NRDC: variants seen among roughly 807,000 people sequenced by gnomAD.
NRDC encodes the protein nardilysin.
NRDC carries 54 observed loss-of-function variants against 147.1 expected under a neutral mutation model. The ratio of observed to expected loss-of-function variants is 0.37; its 90% CI spans 0.29 to 0.46. NRDC has a LOEUF of 0.46. Among genes scored for constraint, NRDC ranks in the 20% least tolerant of loss-of-function variants. The probability of loss-of-function intolerance (pLI) is 1.00; values close to 1 mark genes in which losing one functional copy is unlikely to be tolerated. For missense variants in NRDC, 1,082 were observed against 1,370.6 expected (o/e 0.79, Z 3.33); for synonymous variants, 440 against 482.1 (o/e 0.91, Z 1.14).
At chr1:51,874,698 G>T (rs962747942) in intron 1 of NRDC, among the ~76,000 whole-genome samples, 6 of 152,048 alleles carry the variant, frequency 3.9e-5, no homozygotes, top group South Asian at 2.1e-4. Flanking sequence ...ATAAAAATTT[G>T]AATATCAATT....
At chr1:51,877,391 T>C (rs1183077534) in intron 1 of NRDC, among the ~76,000 whole-genome samples, 1 of 152,122 alleles carries the variant, frequency 6.6e-6, no homozygotes, top group Non-Finnish European at 1.5e-5. Flanking sequence ...CCTGGCACAG[T>C]GGCTCACGCC....
intron 1 of NRDC, among the ~76,000 whole-genome samples, chr1:51,842,207 T>G (rs1210235304): frequency 2.0e-5 from 3 of 151,556 alleles, no homozygotes; most frequent in Admixed American, 2.0e-4. Flanking sequence ...AATAATCACA[T>G]TTAAGTGATA....
At chr1:51,823,859 A>C in intron 6 of NRDC, 73 bp from the exon 7 acceptor site, 1 of 1,041,328 alleles carries the variant, frequency 9.6e-7, no homozygotes, top group Non-Finnish European at 1.4e-6. Context: ...TCATCAATGC[A>C]TATTTTGCTA....
chr1:51,835,131 G>A (rs1032829324), intron 3 of NRDC, among the ~76,000 whole-genome samples: 7 of 151,950 alleles, frequency 4.6e-5, no homozygotes, highest in Non-Finnish European at 8.8e-5. Context: ...GCGTGATCTC[G>A]GCTCACTGCA....
At chr1:51,799,363 A>G (rs1056265104) in intron 21 of NRDC, among the ~76,000 whole-genome samples, 2 of 150,996 alleles carry the variant, frequency 1.3e-5, no homozygotes, top group East Asian at 1.9e-4. Context: ...CCACCCCCCA[A>G]CAGGCCCTGG....
rs546081607 is a variant in NRDC at position 51,790,469 on chromosome 1, G to C, written c.3168+64C>G. On this transcript the variant is annotated intron_variant, in intron 29 of 30. Transcript: ENST00000352171. ...ACACAATGCTGGTGTGCACAGACCT[G>C]TGATGCCTGTAGAATCAGGAACCTT... 219 of 976,046 alleles carry C rather than the reference G, an allele frequency of 2.2e-4. No homozygotes were observed. In the African/African-American group the frequency reaches 2.8e-3, roughly 12 times the overall value. The allele number at this position is 976,046 out of a possible 1,614,324, so 60.5% of individuals were successfully genotyped here.
chr1:51,818,004 G>A (rs757123263), intron 10 of NRDC, 62 bp downstream of exon 10: 1 of 1,229,604 alleles, frequency 8.1e-7, no homozygotes, highest in African/African-American at 1.5e-5. Context: ...AAACCATTTA[G>A]CATGCTTTAA....
intron 1 of NRDC, among the ~76,000 whole-genome samples, chr1:51,847,517 T>C (rs1681709159): frequency 6.6e-6 from 1 of 152,216 alleles, no homozygotes; most frequent in Non-Finnish European, 1.5e-5. Context: ...TCCCGAGCCC[T>C]GCCCTGCGGG....
In NRDC at chr1:51,789,497, G is replaced by A. The variant is rs1345364932; in HGVS notation, c.3259-64C>T. 7 of 1,595,622 alleles carry A rather than the reference G, an allele frequency of 4.4e-6. No homozygotes were observed. In the East Asian group the frequency reaches 1.6e-4, roughly 36 times the overall value. ...CCAGATTTAGGGGTTTAAGAGTTCT[G>A]ATGATAACCACCCAAACTCACTCAG... On this transcript the variant is annotated intron_variant, in intron 30 of 30. Coordinates refer to ENST00000352171, the MANE Select transcript of NRDC (RefSeq NM_001101662.2).
At chr1:51,852,543 A>ATTTTT in intron 1 of NRDC, among the ~76,000 whole-genome samples, 2 of 82 alleles carry the variant, frequency 0.024, no homozygotes, top group African/African-American at 0.05. Flanking sequence ...TATAGTTTAT[A>ATTTTT]TATATAGTTT....
intron 7 of NRDC, among the ~76,000 whole-genome samples, chr1:51,821,762 ACCCCTTT>A (rs1257866783): frequency 1.3e-5 from 2 of 152,144 alleles, no homozygotes; most frequent in Non-Finnish European, 2.9e-5. Flanking sequence ...ATTTTGTGAG[ACCCCTTT>A]ATTTCTCCCT....
In NRDC at chr1:51,842,933, G is replaced by C. The variant is rs181235895; in HGVS notation, c.342-2419C>G. ...AAAATACAAAAATTAGCTAGGCATG[G>C]TGTATCTATGGTCCCAGCTACTCCA... On this transcript the variant is annotated intron_variant, in intron 1 of 30. Transcript: ENST00000352171. Among the ~76,000 whole-genome samples the C allele has an allele frequency of 6.2e-3, 940 of 152,064 alleles. 6 individuals carry two copies. Among genetic ancestry groups the C allele is most frequent in the African/African-American group, 0.022 (895 of 41,480 alleles).
At chr1:51,802,770 A>G (rs933437481) in intron 20 of NRDC, among the ~76,000 whole-genome samples, 5 of 152,210 alleles carry the variant, frequency 3.3e-5, no homozygotes, top group African/African-American at 1.2e-4. Context: ...GATGAAGGCT[A>G]TTAACACCTA....
chr1:51,844,101 T>A (rs139709859), intron 1 of NRDC, among the ~76,000 whole-genome samples: 1 of 152,128 alleles, frequency 6.6e-6, no homozygotes, highest in Non-Finnish European at 1.5e-5. Context: ...TAACTCTCTG[T>A]TTCCATTCTA....
chr1:51,877,973 A>C, intron 1 of NRDC: 1 of 1,213,706 alleles, frequency 8.2e-7, no homozygotes, highest in Non-Finnish European at 1.0e-6. Flanking sequence ...TAATACCAAG[A>C]CTCCCTCACC....
chr1:51,844,846 GA>G (rs1681470111), intron 1 of NRDC, among the ~76,000 whole-genome samples: 1 of 127,974 alleles, frequency 7.8e-6, no homozygotes, highest in Non-Finnish European at 1.6e-5. Flanking sequence ...AGGAAGGAAG[GA>G]AGGAAGGAAG....
chr1:51,808,231 T>C (rs1309827968), intron 17 of NRDC, among the ~76,000 whole-genome samples: 2 of 152,238 alleles, frequency 1.3e-5, no homozygotes, highest in Non-Finnish European at 2.9e-5. Flanking sequence ...CTACCACTTC[T>C]AGCTAGTTCC....
chr1:51,834,624 T>C (rs1680861094), intron 3 of NRDC, among the ~76,000 whole-genome samples: 1 of 152,124 alleles, frequency 6.6e-6, no homozygotes, highest in Admixed American at 6.6e-5. Flanking sequence ...CCCTAAATAA[T>C]ACTTTCTTCA....
intron 1 of NRDC, among the ~76,000 whole-genome samples, chr1:51,850,021 T>C (rs1489129276): frequency 6.6e-6 from 1 of 150,802 alleles, no homozygotes; most frequent in Non-Finnish European, 1.5e-5. Flanking sequence ...CTACTAAAAA[T>C]ACAAAAATTA....
Sources: allele counts gnomAD v4.1 joint callset (sites outside exome capture counted in the v4.1 genomes callset), GRCh38; gene constraint gnomAD v4.1.1; transcripts MANE v1.5; gene names NCBI Gene and HGNC (gene_info 2026-07-23, HGNC 2026-07-21).